ANO3: variants seen among roughly 807,000 people sequenced by gnomAD.
The protein encoded by ANO3 is anoctamin 3.
In ANO3, 99 loss-of-function variants were observed where a neutral mutation model predicts 144.8. That is an observed-to-expected ratio of 0.68 (90% confidence interval 0.58 to 0.81). The LOEUF is 0.81. Ranked by LOEUF, ANO3 falls within the 30% of genes least tolerant of loss-of-function variation. ANO3 has a pLI of 0.00. For missense variants in ANO3, 905 were observed against 1,202.2 expected, an observed-to-expected ratio of 0.75 and a Z score of 3.66; for synonymous variants, 414 against 392.6, an observed-to-expected ratio of 1.05 and a Z score of -0.64.
intron 3 of ANO3, among the ~76,000 whole-genome samples, chr11:26,454,565 T>A (rs1278991593): frequency 1.3e-5 from 2 of 151,998 alleles, no homozygotes; most frequent in Non-Finnish European, 2.9e-5. Context: ...TAACAGGAGC[T>A]GAAATTGTGG....
chr11:26,320,312 G>A (rs982705967), intron 1 of ANO3, among the ~76,000 whole-genome samples: 2 of 152,106 alleles, frequency 1.3e-5, no homozygotes, highest in African/African-American at 4.8e-5. Context: ...CAAGTCTTGC[G>A]CAAATTCTCT....
At chr11:26,388,451 TACA>T (rs1856791157) in intron 1 of ANO3, among the ~76,000 whole-genome samples, 1 of 152,152 alleles carries the variant, frequency 6.6e-6, no homozygotes, top group African/African-American at 2.4e-5. Flanking sequence ...AATGAATTAA[TACA>T]ACTTTATTAG....
intron 24 of ANO3, among the ~76,000 whole-genome samples, chr11:26,653,815 C>A (rs536314917): frequency 6.6e-6 from 1 of 152,218 alleles, no homozygotes; most frequent in Non-Finnish European, 1.5e-5. Context: ...AAATTTTAAA[C>A]CCCTAATTCC....
At chr11:26,375,593 C>T (rs1264104513) in intron 1 of ANO3, among the ~76,000 whole-genome samples, 2 of 152,060 alleles carry the variant, frequency 1.3e-5, no homozygotes, top group Non-Finnish European at 2.9e-5. Flanking sequence ...GAATTTTCTC[C>T]CGATCTTCTG....
At chr11:26,629,698 C>T (rs1362230774) in intron 18 of ANO3, among the ~76,000 whole-genome samples, 1 of 152,072 alleles carries the variant, frequency 6.6e-6, no homozygotes, top group Non-Finnish European at 1.5e-5. Flanking sequence ...ATGGTGCAAT[C>T]TCGACTCACC....
intron 1 of ANO3, among the ~76,000 whole-genome samples, chr11:26,313,500 C>T (rs1272808114): frequency 1.3e-5 from 2 of 152,022 alleles, no homozygotes; most frequent in African/African-American, 4.8e-5. Flanking sequence ...TCCTGGCCAA[C>T]ATGGTGAAAC....
chr11:26,634,153 T>G, intron 18 of ANO3, 51 bp from the exon 19 acceptor site: 1 of 1,115,578 alleles, frequency 9.0e-7, no homozygotes, highest in Non-Finnish European at 1.4e-6. Context: ...GTCCAGAGTC[T>G]TGATATTCAC....
At chr11:26,279,150 T>C (rs1015305370) in intron 1 of ANO3, among the ~76,000 whole-genome samples, 2 of 152,140 alleles carry the variant, frequency 1.3e-5, no homozygotes, top group African/African-American at 2.4e-5. Context: ...GTATCTTCCC[T>C]AGAGTCTGTG....
At chr11:26,512,979 C>T (rs1036064571) in intron 5 of ANO3, among the ~76,000 whole-genome samples, 1 of 152,040 alleles carries the variant, frequency 6.6e-6, no homozygotes, top group African/African-American at 2.4e-5. Flanking sequence ...GTGTCCAGCA[C>T]AGAACTAGGT....
intron 1 of ANO3, among the ~76,000 whole-genome samples, chr11:26,223,975 A>G (rs138333686): frequency 2.1e-3 from 313 of 152,254 alleles, no homozygotes; most frequent in Middle Eastern, 3.4e-3. Context: ...TCACATTTCA[A>G]TGAGATTTGG....
At chr11:26,322,538 T>C (rs1406767054) in intron 1 of ANO3, among the ~76,000 whole-genome samples, 1 of 152,144 alleles carries the variant, frequency 6.6e-6, no homozygotes, top group African/African-American at 2.4e-5. Flanking sequence ...TTGATGACAT[T>C]GACAGTTTTA....
In ANO3 at chr11:26,270,652, C is replaced by G. The variant is rs568555108; in HGVS notation, c.155-38993C>G. On this transcript the variant is annotated intron_variant, in intron 1 of 27. Coordinates refer to the ANO3 transcript ENST00000672621. ...TATATTACGAATTCATTTATTCACT[C>G]AATGATTATTGGGAATTCTCTGTTG... is the stretch of plus-strand genomic sequence containing the variant. Among the ~76,000 whole-genome samples the G allele has an allele frequency of 3.9e-3, 588 of 152,210 alleles. 1 individual carries two copies. Among genetic ancestry groups the G allele is most frequent in the African/African-American group, 0.013 (557 of 41,530 alleles).
intron 13 of ANO3, among the ~76,000 whole-genome samples, chr11:26,553,743 T>C (rs1850006429): frequency 2.6e-5 from 4 of 152,118 alleles, no homozygotes; most frequent in Admixed American, 2.6e-4. Context: ...CCCAAATTGC[T>C]GCCTGTTAGA....
At chr11:26,204,086 A>G (rs1239881898) in intron 1 of ANO3, among the ~76,000 whole-genome samples, 1 of 151,568 alleles carries the variant, frequency 6.6e-6, no homozygotes, top group African/African-American at 2.4e-5. Context: ...TTTCTTATGG[A>G]ATGGTTTTTT....
intron 1 of ANO3, among the ~76,000 whole-genome samples, chr11:26,196,821 A>T (rs899454137): frequency 1.3e-5 from 2 of 152,264 alleles, no homozygotes; most frequent in Non-Finnish European, 2.9e-5. Context: ...AATAAGAATT[A>T]GTGAAAGTTC....
chr11:26,198,363 C>T (rs1182981203), intron 1 of ANO3, among the ~76,000 whole-genome samples: 1 of 152,162 alleles, frequency 6.6e-6, no homozygotes, highest in East Asian at 1.9e-4. Context: ...TTGTAGCACC[C>T]ATGAGCTGTT....
intron 1 of ANO3, among the ~76,000 whole-genome samples, chr11:26,196,694 T>C (rs1042859805): frequency 1.3e-5 from 2 of 152,184 alleles, no homozygotes; most frequent in Non-Finnish European, 2.9e-5. Context: ...CTTTTATATG[T>C]ATACTTCATA....
intron 4 of ANO3, among the ~76,000 whole-genome samples, chr11:26,495,492 T>A (rs1005389015): frequency 6.6e-6 from 1 of 152,144 alleles, no homozygotes; most frequent in Non-Finnish European, 1.5e-5. Context: ...TATTTTATGA[T>A]ATGTTTTCCA....
rs1447108528 is a variant in ANO3, at chr11:26,516,886, G to A, written c.651G>A (p.Leu217=). The change falls in exon 6 of 27, where the codon CTG becomes CTA. Residue 217 remains leucine (L), a synonymous_variant. Coordinates refer to ENST00000256737, the MANE Select transcript of ANO3 (RefSeq NM_031418.4). The part of the protein sequence containing the change: ...FIKIHIPWDT[L]CKYAERLNIR... ...AAATTCACATTCCATGGGACACGCT[G>A]TGCAAGTATGCAGAGAGGCTGAATA... The A allele has an allele frequency of 6.2e-7, 1 of 1,611,452 alleles. No homozygotes were observed. The highest frequency in any genetic ancestry group is 8.5e-7 in the Non-Finnish European group (1 of 1,178,166).
Sources: gnomAD v4.1 joint callset for allele counts (sites outside exome capture counted in the v4.1 genomes callset) on GRCh38, gnomAD v4.1.1 for gene constraint, MANE v1.5 for transcripts, NCBI Gene and HGNC (gene_info 2026-07-23, HGNC 2026-07-21) for gene names.